The following ERI3 variants were observed in gnomAD, a reference collection of about 807,000 sequenced individuals.
ERI3 encodes the protein ERI1 exoribonuclease family member 3, also known as ERI1 exoribonuclease 3.
In ERI3, 18 loss-of-function variants were observed where a neutral mutation model predicts 44.4. That is an observed-to-expected ratio of 0.41 (90% CI 0.28 to 0.60). The LOEUF (loss-of-function observed/expected upper bound fraction) is 0.60, where lower values mean the gene tolerates loss of function less well. Ranked by LOEUF, ERI3 falls within the 20% of genes least tolerant of loss-of-function variation. The pLI is 0.36. For synonymous variants in ERI3, 183 were observed against 164.8 expected (o/e 1.11, Z -0.84); for missense variants, 294 against 435.5 (o/e 0.68, Z 2.89).
intron 6 of ERI3, among the ~76,000 whole-genome samples, chr1:44,292,510 AACC>A (rs1285474083): frequency 1.3e-5 from 2 of 152,198 alleles, no homozygotes; most frequent in African/African-American, 2.4e-5. Flanking sequence ...CTCAGAAGAT[AACC>A]ATAGCAGACA....
At chr1:44,276,278 C>T (rs537027090) in intron 7 of ERI3, among the ~76,000 whole-genome samples, 1 of 152,226 alleles carries the variant, frequency 6.6e-6, no homozygotes, top group Non-Finnish European at 1.5e-5. Context: ...TAACACCACC[C>T]TATCAGGCCC....
At chr1:44,338,827 T>G (rs1324727856) in intron 3 of ERI3, among the ~76,000 whole-genome samples, 1 of 152,098 alleles carries the variant, frequency 6.6e-6, no homozygotes, top group Non-Finnish European at 1.5e-5. Flanking sequence ...AAGCTGAGAC[T>G]AGAGAGAAAC....
intron 3 of ERI3, among the ~76,000 whole-genome samples, chr1:44,336,160 T>C (rs534146158): frequency 6.6e-6 from 1 of 152,312 alleles, no homozygotes; most frequent in African/African-American, 2.4e-5. Context: ...CCACTTCCCT[T>C]GTTGACCAGA....
At chr1:44,286,310 T>G (rs1346677168) in intron 6 of ERI3, among the ~76,000 whole-genome samples, 3 of 152,192 alleles carry the variant, frequency 2.0e-5, no homozygotes, top group African/African-American at 7.2e-5. Flanking sequence ...GAATGCAGTT[T>G]TAGACACATG....
chr1:44,333,961 C>T (rs1646481110), intron 3 of ERI3, among the ~76,000 whole-genome samples: 1 of 152,204 alleles, frequency 6.6e-6, no homozygotes, highest in African/African-American at 2.4e-5. Context: ...TGGACAAAGA[C>T]CAAACACTAG....
At chr1:44,318,456 G>A (rs1010496854) in intron 4 of ERI3, among the ~76,000 whole-genome samples, 1 of 152,238 alleles carries the variant, frequency 6.6e-6, no homozygotes, top group Non-Finnish European at 1.5e-5. Context: ...AATCCCAGGG[G>A]AAAGGGGAAA....
chr1:44,223,848 G>C (rs899854926), intron 8 of ERI3, among the ~76,000 whole-genome samples: 1 of 152,088 alleles, frequency 6.6e-6, no homozygotes, highest in Non-Finnish European at 1.5e-5. Context: ...CATCTAAATC[G>C]TGAGTTTCAG....
intron 6 of ERI3, among the ~76,000 whole-genome samples, chr1:44,306,703 C>G (rs533411014): frequency 3.9e-5 from 6 of 152,354 alleles, no homozygotes; most frequent in Non-Finnish European, 8.8e-5. Flanking sequence ...GCATCGTGCA[C>G]AGTTAAAGTA....
intron 7 of ERI3, among the ~76,000 whole-genome samples, chr1:44,262,588 T>C (rs1407221263): frequency 1.3e-5 from 2 of 152,202 alleles, no homozygotes; most frequent in Non-Finnish European, 2.9e-5. Context: ...AAGACTACCC[T>C]ATCCCTTAGC....
intron 5 of ERI3, among the ~76,000 whole-genome samples, chr1:44,310,510 T>G (rs161727): frequency 0.99 from 151,446 of 152,282 alleles, 75,311 homozygotes; most frequent in Middle Eastern, 1. Flanking sequence ...TAGGATGACT[T>G]AAGTCCACAG....
chr1:44,279,077 T>C (rs1461252365), intron 7 of ERI3, among the ~76,000 whole-genome samples: 1 of 152,206 alleles, frequency 6.6e-6, no homozygotes, highest in Non-Finnish European at 1.5e-5. Context: ...ATTTATTATA[T>C]TCTCTATTTT....
intron 7 of ERI3, among the ~76,000 whole-genome samples, chr1:44,268,066 T>C (rs1557803525): frequency 6.6e-6 from 1 of 152,204 alleles, no homozygotes; most frequent in Non-Finnish European, 1.5e-5. Context: ...TTTTACTCAG[T>C]ACAGAGCTGA....
chr1:44,224,235 A>G (rs1643979726), intron 8 of ERI3, among the ~76,000 whole-genome samples: 1 of 152,194 alleles, frequency 6.6e-6, no homozygotes, highest in African/African-American at 2.4e-5. Context: ...AAATCTGATC[A>G]TGTTCTTCTT....
At chr1:44,284,779 G>T in intron 7 of ERI3, 56 bp downstream of exon 7, 1 of 1,336,160 alleles carries the variant, frequency 7.5e-7, no homozygotes, top group Non-Finnish European at 1.1e-6. Flanking sequence ...AAGGACGGGA[G>T]CTCTGAGGCA....
At chr1:44,328,342 A>C (rs1646358352) in intron 3 of ERI3, among the ~76,000 whole-genome samples, 1 of 151,848 alleles carries the variant, frequency 6.6e-6, no homozygotes, top group South Asian at 2.1e-4. Context: ...TAAGAGGGTC[A>C]GCTGTTGTCA....
intron 7 of ERI3, among the ~76,000 whole-genome samples, chr1:44,265,627 A>C (rs567865045): frequency 6.6e-6 from 1 of 152,234 alleles, no homozygotes; most frequent in South Asian, 2.1e-4. Context: ...GAAACAACCC[A>C]AATATTGATC....
chr1:44,354,974 C>T lies in ERI3; in HGVS notation c.53G>A (p.Gly18Glu). The change falls in exon 1 of 9, where the codon GGA (glycine) becomes GAA (glutamate). Residue 18 changes from glycine (G) to glutamate (E), a missense_variant. Coordinates refer to ENST00000372257, the MANE Select transcript of ERI3 (RefSeq NM_024066.3). ...ADGGRGRPWEGGLVSWPPAPP... is the reference protein window; with the variant it reads ...ADGGRGRPWEEGLVSWPPAPP... Reference sequence around the variant, plus strand: ...GGCGGGGGGCCAGGAGACCAGCCCTCCTTCCCAGGGCCGCCCCCGCCCCCC... The same window carrying T: ...GGCGGGGGGCCAGGAGACCAGCCCTTCTTCCCAGGGCCGCCCCCGCCCCCC... The T allele has an allele frequency of 7.3e-7, 1 of 1,364,390 alleles. No homozygotes were observed. The allele number at this position is 1,364,390 out of a possible 1,614,324, so 84.5% of individuals were successfully genotyped here.
chr1:44,355,008 C>G lies in ERI3; in HGVS notation c.19G>C (p.Ala7Pro). MATASP[A>P]ADGGRGRPWE... ...GGCCGCCCCCGCCCCCCGTCAGCAG[C>G]GGGAGAGGCTGTCGCCATGGCAACG... The change falls in exon 1 of 9, where the codon GCT becomes CCT. Residue 7 changes from alanine to proline, a missense_variant. By Grantham distance (27) the Ala-to-Pro change is conservative. Around this residue, in one of 2 missense-constraint regions of ERI3, gnomAD observed 107 missense variants for 96.9 expected, o/e 1.10. Coordinates refer to ENST00000372257, the MANE Select transcript of ERI3 (RefSeq NM_024066.3). 1 of 1,386,998 alleles carries G rather than the reference C, an allele frequency of 7.2e-7. No homozygotes were observed. The allele number at this position is 1,386,998 out of a possible 1,614,324, so 85.9% of individuals were successfully genotyped here.
chr1:44,243,057 G>GT (rs1194601730), intron 8 of ERI3, among the ~76,000 whole-genome samples: 1 of 152,240 alleles, frequency 6.6e-6, no homozygotes, highest in Non-Finnish European at 1.5e-5. Flanking sequence ...GAGCTAATGC[G>GT]TTCTGACTGG....
Sources: gnomAD v4.1 joint callset for allele counts (sites outside exome capture counted in the v4.1 genomes callset) on GRCh38, gnomAD v4.1.1 for gene constraint, gnomAD v4.1.1 regional missense constraint, MANE v1.5 for transcripts, NCBI Gene and HGNC (gene_info 2026-07-23, HGNC 2026-07-21) for gene names.